Variants in PUM1 observed in about 807,000 individuals in gnomAD.
PUM1 encodes the protein pumilio homolog 1.
PUM1 carries 13 observed loss-of-function variants against 131.8 expected under a neutral mutation model. The ratio of observed to expected loss-of-function variants is 0.10; its 90% confidence interval spans 0.06 to 0.16. PUM1 has a LOEUF of 0.16. Ranked by LOEUF, PUM1 falls within the 10% of genes least tolerant of loss-of-function variation. The pLI is 1.00. For synonymous variants in PUM1, 509 were observed against 556.5 expected (o/e 0.91, Z 1.20); for missense variants, 961 against 1,512.4 (o/e 0.64, Z 6.05).
intron 10 of PUM1, among the ~76,000 whole-genome samples, chr1:30,972,007 C>T (rs1027932456): frequency 4.0e-5 from 6 of 151,768 alleles, no homozygotes; most frequent in African/African-American, 1.2e-4. Flanking sequence ...TGTAACCCAG[C>T]ACTCTGGGAG....
intron 21 of PUM1, 135 bp downstream of exon 21, chr1:30,936,508 A>G (rs1639216147): frequency 1.1e-6 from 1 of 902,548 alleles, no homozygotes; most frequent in Non-Finnish European, 1.6e-6. Flanking sequence ...CATAAAAGAA[A>G]AACAGAACAC....
intron 3 of PUM1, among the ~76,000 whole-genome samples, chr1:31,007,597 ACAGAGACTC>A: frequency 6.6e-6 from 1 of 152,228 alleles, no homozygotes; most frequent in Admixed American, 6.5e-5. Flanking sequence ...TCCTTTATAC[ACAGAGACTC>A]CATTAACCAA....
chr1:30,944,392 T>C (rs1433654901), intron 18 of PUM1, among the ~76,000 whole-genome samples: 1 of 152,134 alleles, frequency 6.6e-6, no homozygotes, highest in Non-Finnish European at 1.5e-5. Context: ...CTTTGTGTTT[T>C]GGAAAAAAAC....
intron 7 of PUM1, among the ~76,000 whole-genome samples, chr1:30,988,454 C>T (rs3737757): frequency 0.072 from 10,921 of 152,208 alleles, 651 homozygotes; most frequent in East Asian, 0.28. Context: ...TTGTCAACCT[C>T]CAAACCAGAT....
At chr1:30,974,079 C>T (rs993579516) in intron 10 of PUM1, among the ~76,000 whole-genome samples, 1 of 140,568 alleles carries the variant, frequency 7.1e-6, no homozygotes, top group African/African-American at 2.6e-5. Context: ...CAGAGCTAGA[C>T]TCCATCTCAA....
At chr1:30,965,882 G>T in intron 13 of PUM1, 100 bp downstream of exon 13, 2 of 1,255,096 alleles carry the variant, frequency 1.6e-6, no homozygotes, top group Middle Eastern at 4.1e-4. Context: ...CACAAGGCTT[G>T]GTCCAGATCT....
At chr1:30,998,745 A>G (rs984781598) in intron 5 of PUM1, among the ~76,000 whole-genome samples, 6 of 152,218 alleles carry the variant, frequency 3.9e-5, no homozygotes, top group Non-Finnish European at 5.9e-5. Flanking sequence ...AATACTACCA[A>G]AAATTTACAG....
At chr1:31,022,756 T>C (rs1643074713) in intron 3 of PUM1, among the ~76,000 whole-genome samples, 4 of 152,216 alleles carry the variant, frequency 2.6e-5, no homozygotes, top group Admixed American at 2.0e-4. Context: ...TCCAGACCAC[T>C]TGGCGTGGTT....
At chr1:31,025,125 C>G (rs1643174273) in intron 3 of PUM1, among the ~76,000 whole-genome samples, 1 of 152,110 alleles carries the variant, frequency 6.6e-6, no homozygotes, top group South Asian at 2.1e-4. Context: ...GAATAGGAAG[C>G]ACATAAAGCA....
chr1:30,987,473 G>A (rs971209842), intron 7 of PUM1, among the ~76,000 whole-genome samples: 2 of 152,148 alleles, frequency 1.3e-5, no homozygotes, highest in Non-Finnish European at 2.9e-5. Flanking sequence ...GAGATTACAG[G>A]CGTGAGCCAC....
At chr1:31,054,301 C>T (rs1156675748) in intron 2 of PUM1, among the ~76,000 whole-genome samples, 5 of 151,314 alleles carry the variant, frequency 3.3e-5, no homozygotes, top group South Asian at 2.1e-4. Flanking sequence ...ACTCCAGCCT[C>T]GGCAACAGGA....
intron 2 of PUM1, among the ~76,000 whole-genome samples, chr1:31,048,701 C>T (rs2124584229): frequency 6.6e-6 from 1 of 151,938 alleles, no homozygotes; most frequent in African/African-American, 2.4e-5. Flanking sequence ...GTCTCAATCT[C>T]CTGACCTCAT....
chr1:30,949,554 G>T (rs1639839193), intron 17 of PUM1, among the ~76,000 whole-genome samples: 1 of 151,266 alleles, frequency 6.6e-6, no homozygotes, highest in African/African-American at 2.5e-5. Flanking sequence ...TGGGAAGGGT[G>T]AGGGGTCCTT....
Position 30,945,153 on chromosome 1 carries a change from G to A in PUM1, c.2994+193C>T, listed in dbSNP as rs369018807. ...GGAGGCTGAGGGGGGAGGATTGCTT[G>A]AACCTGGCAGTTCAAGGCTGTAGTG... On this transcript the variant is annotated intron_variant, in intron 18 of 21. Transcript: ENST00000426105. Among the ~76,000 whole-genome samples, 5 of 152,098 alleles carry A rather than the reference G, an allele frequency of 3.3e-5. No homozygotes were observed. In the East Asian group the frequency reaches 5.8e-4, roughly 18 times the overall value.
intron 5 of PUM1, among the ~76,000 whole-genome samples, chr1:31,002,838 T>C (rs1221945161): frequency 5.3e-5 from 8 of 152,198 alleles, no homozygotes; most frequent in Non-Finnish European, 1.2e-4. Flanking sequence ...TGTATTCTTA[T>C]CACAGAAGCC....
intron 14 of PUM1, among the ~76,000 whole-genome samples, chr1:30,961,391 G>A (rs1410447529): frequency 6.6e-6 from 1 of 151,494 alleles, no homozygotes; most frequent in African/African-American, 2.4e-5. Flanking sequence ...GGGTGTGGTG[G>A]TGTGTGCTTA....
At position 30,999,751 on chromosome 1, in the gene PUM1, T is replaced by C. The variant is rs1001799403; in HGVS notation, c.721-4531A>G. ...TAATCTCTGAGACTTTGTTTACTCA[T>C]GAATAACAATGAAATAATGCATGCC... On this transcript the variant is annotated intron_variant, in intron 5 of 21. Coordinates refer to ENST00000426105, the MANE Select transcript of PUM1 (RefSeq NM_001020658.2). Among the ~76,000 whole-genome samples, 12 of 151,730 alleles carry C rather than the reference T, an allele frequency of 7.9e-5. No homozygotes were observed. In the South Asian group the frequency reaches 2.5e-3, roughly 32 times the overall value.
At chr1:30,969,119 C>G (rs916532914) in intron 10 of PUM1, among the ~76,000 whole-genome samples, 4 of 151,976 alleles carry the variant, frequency 2.6e-5, no homozygotes, top group African/African-American at 9.7e-5. Context: ...GCCTGGCCAA[C>G]ATGGCAAAAC....
chr1:30,950,984 G>A (rs1319407606), intron 16 of PUM1, among the ~76,000 whole-genome samples: 3 of 152,114 alleles, frequency 2.0e-5, no homozygotes, highest in African/African-American at 7.2e-5. Flanking sequence ...AACAGAGTTG[G>A]GAGGGGAAAA....
Sources: gnomAD v4.1 joint callset for allele counts (sites outside exome capture counted in the v4.1 genomes callset) on GRCh38, gnomAD v4.1.1 for gene constraint, MANE v1.5 for transcripts, NCBI Gene and HGNC (gene_info 2026-07-23, HGNC 2026-07-21) for gene names.